ERBB4: variants seen among roughly 807,000 people sequenced by gnomAD.
ERBB4 encodes the protein receptor tyrosine-protein kinase erbB-4.
In ERBB4, 42 loss-of-function variants were observed where a neutral mutation model predicts 158.0. The observed-to-expected ratio is 0.27, with a 90% CI of 0.21 to 0.34. The LOEUF is 0.34. Among genes scored for constraint, ERBB4 ranks in the 10% least tolerant of loss-of-function variants. The pLI, the probability that ERBB4 is intolerant of heterozygous loss-of-function variation, is 1.00. For missense variants in ERBB4, 1,333 were observed against 1,624.1 expected (o/e 0.82, Z 3.08); for synonymous variants, 583 against 558.7 (o/e 1.04, Z -0.61).
At chr2:212,523,568 CAATT>C (rs1381845086) in intron 1 of ERBB4, among the ~76,000 whole-genome samples, 1 of 91,754 alleles carries the variant, frequency 1.1e-5, no homozygotes, top group Non-Finnish European at 2.1e-5. Context: ...TTAAGAATGA[CAATT>C]AAAAAAAATC....
intron 1 of ERBB4, among the ~76,000 whole-genome samples, chr2:212,238,920 C>T (rs2083981082): frequency 6.6e-6 from 1 of 151,968 alleles, no homozygotes; most frequent in Non-Finnish European, 1.5e-5. Context: ...TACTTACTCC[C>T]AAAAATCTTC....
At chr2:211,914,553 G>A (rs2079634902) in intron 3 of ERBB4, among the ~76,000 whole-genome samples, 2 of 152,018 alleles carry the variant, frequency 1.3e-5, no homozygotes. Flanking sequence ...GATAAATCAG[G>A]CATATTACCT....
intron 3 of ERBB4, among the ~76,000 whole-genome samples, chr2:211,791,777 T>A (rs561418018): frequency 2.0e-5 from 3 of 151,846 alleles, no homozygotes; most frequent in Non-Finnish European, 4.4e-5. Context: ...ATGACATCGA[T>A]GAAAAAAGTA....
chr2:212,185,021 C>CTTTTTTTTTTTCTTTTTTTTT (rs1553584050), intron 1 of ERBB4, among the ~76,000 whole-genome samples: 1 of 132,542 alleles, frequency 7.5e-6, no homozygotes, highest in African/African-American at 2.8e-5. Flanking sequence ...ACTTTTTTTT[C>CTTTTTTTTTTTCTTTTTTTTT]TTTTTTTTTT....
At chr2:211,866,669 C>G (rs891888401) in intron 3 of ERBB4, among the ~76,000 whole-genome samples, 1 of 152,008 alleles carries the variant, frequency 6.6e-6, no homozygotes, top group African/African-American at 2.4e-5. Context: ...AGTAAAACAG[C>G]ATTAGTTGAT....
chr2:212,528,208 T>A (rs1051886726), intron 1 of ERBB4, among the ~76,000 whole-genome samples: 10 of 152,140 alleles, frequency 6.6e-5, no homozygotes, highest in Admixed American at 3.9e-4. Flanking sequence ...AGATCTGGCA[T>A]GCTAAGCATC....
chr2:212,298,220 A>T (rs376565082), intron 1 of ERBB4, among the ~76,000 whole-genome samples: 16 of 151,774 alleles, frequency 1.1e-4, no homozygotes, highest in African/African-American at 3.4e-4. Flanking sequence ...TTGAAGATCA[A>T]TCATATTCTA....
intron 5 of ERBB4, among the ~76,000 whole-genome samples, chr2:211,740,511 A>C (rs2074751572): frequency 6.6e-6 from 1 of 152,004 alleles, no homozygotes; most frequent in African/African-American, 2.4e-5. Flanking sequence ...GGCACAAGAA[A>C]AGTTGACCTG....
At chr2:211,701,827 G>T (rs1037491794) in intron 12 of ERBB4, 140 bp downstream of exon 12, 75 of 457,320 alleles carry the variant, frequency 1.6e-4, no homozygotes, top group East Asian at 2.1e-4. Flanking sequence ...GTTGGTAATT[G>T]TAACAACTAC....
intron 20 of ERBB4, among the ~76,000 whole-genome samples, chr2:211,458,726 T>A (rs1270146830): frequency 6.6e-6 from 1 of 152,140 alleles, no homozygotes; most frequent in Non-Finnish European, 1.5e-5. Context: ...CACAGGTGCT[T>A]TTGCCTCAAG....
At chr2:211,532,595 T>A (rs2066530651) in intron 20 of ERBB4, among the ~76,000 whole-genome samples, 1 of 152,022 alleles carries the variant, frequency 6.6e-6, no homozygotes, top group Admixed American at 6.6e-5. Flanking sequence ...TCAACAATGA[T>A]CTCTACAGAT....
At chr2:211,993,642 G>T (rs1240122947) in intron 2 of ERBB4, among the ~76,000 whole-genome samples, 3 of 149,214 alleles carry the variant, frequency 2.0e-5, no homozygotes, top group African/African-American at 7.4e-5. Flanking sequence ...AAAAAAAACA[G>T]GGATAGTAAA....
intron 25 of ERBB4, among the ~76,000 whole-genome samples, chr2:211,417,567 A>C (rs2063421352): frequency 6.6e-6 from 1 of 152,212 alleles, no homozygotes; most frequent in Admixed American, 6.5e-5. Context: ...CATGACTTAA[A>C]TTTGTATTCA....
At chr2:211,604,166 C>G (rs7571215) in intron 19 of ERBB4, among the ~76,000 whole-genome samples, 116,303 of 151,820 alleles carry the variant, frequency 0.77, 47,301 homozygotes, top group Non-Finnish European at 0.89. Flanking sequence ...AATGTAAATA[C>G]ATTATTACAT....
chr2:211,820,946 G>A lies in ERBB4; in HGVS notation c.422-32787C>T, dbSNP rs142303235. ...AAAAACAATTATGCCAAACTCATACGTAACATCAAAAGTTTCCAGCTTTTC... is the reference window on the plus strand; with the variant it reads ...AAAAACAATTATGCCAAACTCATACATAACATCAAAAGTTTCCAGCTTTTC... On this transcript the variant is annotated intron_variant, in intron 3 of 27. Coordinates refer to ENST00000342788, the MANE Select transcript of ERBB4 (RefSeq NM_005235.3). 2.4e-3 allele frequency among the ~76,000 whole-genome samples: 369 copies of A among 151,804 alleles called. 6 individuals carry two copies. The highest frequency in any genetic ancestry group is 3.4e-3 in the Middle Eastern group (1 of 294).
intron 3 of ERBB4, among the ~76,000 whole-genome samples, chr2:211,803,102 T>C (rs1006938635): frequency 6.6e-6 from 1 of 152,252 alleles, no homozygotes; most frequent in African/African-American, 2.4e-5. Context: ...CCCTCAACTT[T>C]GCTAATAAGC....
chr2:211,426,762 G>A lies in ERBB4; in HGVS notation c.2719+1646C>T, dbSNP rs572295953. Among the ~76,000 whole-genome samples the A allele has an allele frequency of 4.6e-5, 7 of 151,340 alleles. 2 individuals are homozygous for A. Among genetic ancestry groups the A allele is most frequent in the African/African-American group, 1.7e-4 (7 of 41,306 alleles). On this transcript the variant is annotated intron_variant, in intron 22 of 27. Coordinates refer to ENST00000342788, the MANE Select transcript of ERBB4 (RefSeq NM_005235.3). ...CCATATTTGATTCAGGGAACTGTAA[G>A]TAGAAAGAAAAAGAAAAAAGTATAT... is the stretch of plus-strand genomic sequence containing the variant.
At chr2:212,107,388 C>T (rs2079263227) in intron 2 of ERBB4, among the ~76,000 whole-genome samples, 1 of 152,092 alleles carries the variant, frequency 6.6e-6, no homozygotes, top group Admixed American at 6.5e-5. Context: ...GCCCTTCATT[C>T]CTTCATTTTG....
At chr2:212,284,399 C>G (rs968197266) in intron 1 of ERBB4, among the ~76,000 whole-genome samples, 1 of 152,112 alleles carries the variant, frequency 6.6e-6, no homozygotes, top group Non-Finnish European at 1.5e-5. Context: ...GTCCCATTTA[C>G]ATTACAGCAT....
Sources: gnomAD v4.1 joint callset for allele counts (sites outside exome capture counted in the v4.1 genomes callset) on GRCh38, gnomAD v4.1.1 for gene constraint, MANE v1.5 for transcripts, NCBI Gene and HGNC (gene_info 2026-07-23, HGNC 2026-07-21) for gene names.